DSCAM: variants seen among roughly 807,000 people sequenced by gnomAD.
The protein encoded by DSCAM is DS cell adhesion molecule, also known as cell adhesion molecule DSCAM.
DSCAM carries 47 observed loss-of-function variants against 217.7 expected under a neutral mutation model. That is an observed-to-expected ratio of 0.22 (90% confidence interval 0.17 to 0.28). The LOEUF (loss-of-function observed/expected upper bound fraction) is 0.28, where lower values mean the gene tolerates loss of function less well. Among genes scored for constraint, DSCAM ranks in the 10% least tolerant of loss-of-function variants. The pLI is 1.00. For missense variants in DSCAM, 2,080 were observed against 2,618.3 expected (o/e 0.79, Z 4.49); for synonymous variants, 1,056 against 1,015.3 (o/e 1.04, Z -0.76).
intron 1 of DSCAM, among the ~76,000 whole-genome samples, chr21:40,773,293 C>A (rs1450883808): frequency 6.6e-6 from 1 of 152,230 alleles, no homozygotes; most frequent in Non-Finnish European, 1.5e-5. Context: ...GAGATGTAGG[C>A]AGTGTTAATT....
At chr21:40,453,851 G>A (rs555363421) in intron 3 of DSCAM, among the ~76,000 whole-genome samples, 1 of 152,204 alleles carries the variant, frequency 6.6e-6, no homozygotes. Flanking sequence ...AGACTAAAAG[G>A]AAGTAAGAGC....
chr21:40,601,619 T>C (rs1286677287), intron 3 of DSCAM, among the ~76,000 whole-genome samples: 1 of 152,224 alleles, frequency 6.6e-6, no homozygotes, highest in Admixed American at 6.5e-5. Flanking sequence ...TATTTTCTCA[T>C]TATTAAGTAT....
At chr21:40,046,432 T>C (rs2088841737) in intron 30 of DSCAM, among the ~76,000 whole-genome samples, 1 of 150,562 alleles carries the variant, frequency 6.6e-6, no homozygotes, top group Non-Finnish European at 1.5e-5. Context: ...ATTTTTTTTG[T>C]CCTTGATGAG....
intron 10 of DSCAM, 101 bp from the exon 11 acceptor site, chr21:40,276,371 C>T: frequency 1.8e-6 from 2 of 1,081,098 alleles, no homozygotes; most frequent in Admixed American, 3.3e-5. Context: ...ATGCTTCACA[C>T]TGATCCCATA....
chr21:40,758,273 G>A (rs1264012609), intron 1 of DSCAM, among the ~76,000 whole-genome samples: 1 of 152,166 alleles, frequency 6.6e-6, no homozygotes, highest in Admixed American at 6.5e-5. Context: ...CACCCAATGT[G>A]TGGCACTTTG....
chr21:40,323,511 G>C (rs1300582819), intron 8 of DSCAM, among the ~76,000 whole-genome samples: 1 of 152,094 alleles, frequency 6.6e-6, no homozygotes, highest in East Asian at 1.9e-4. Flanking sequence ...ACAAGGAAAA[G>C]ATAGAAGAAG....
intron 30 of DSCAM, among the ~76,000 whole-genome samples, chr21:40,047,652 A>G (rs2146488719): frequency 6.6e-6 from 1 of 152,328 alleles, no homozygotes; most frequent in African/African-American, 2.4e-5. Flanking sequence ...CATCTGTGCC[A>G]TTGGTTTCCA....
intron 3 of DSCAM, among the ~76,000 whole-genome samples, chr21:40,396,325 C>A (rs1205875830): frequency 6.6e-6 from 1 of 152,146 alleles, no homozygotes; most frequent in African/African-American, 2.4e-5. Flanking sequence ...CACCATCACG[C>A]CAACTTCTGA....
chr21:40,217,954 G>T (rs2091258169), intron 11 of DSCAM, among the ~76,000 whole-genome samples: 1 of 152,074 alleles, frequency 6.6e-6, no homozygotes, highest in Non-Finnish European at 1.5e-5. Context: ...TCTGTAGGTT[G>T]TTTACTCTGT....
intron 3 of DSCAM, among the ~76,000 whole-genome samples, chr21:40,554,191 TGTTA>T (rs1344128287): frequency 1.3e-5 from 2 of 150,900 alleles, no homozygotes; most frequent in Non-Finnish European, 2.9e-5. Flanking sequence ...TTGTTTTGAT[TGTTA>T]GTTTTTTTTT....
At chr21:40,340,848 T>A (rs2074483487) in intron 6 of DSCAM, among the ~76,000 whole-genome samples, 1 of 152,120 alleles carries the variant, frequency 6.6e-6, no homozygotes, top group Non-Finnish European at 1.5e-5. Context: ...CAGTTAATGG[T>A]TAATAGTACC....
intron 11 of DSCAM, among the ~76,000 whole-genome samples, chr21:40,193,084 G>C (rs541008975): frequency 2.0e-5 from 3 of 152,286 alleles, no homozygotes; most frequent in South Asian, 4.2e-4. Flanking sequence ...GAGGTGTTAA[G>C]ATTCAGCATT....
At chr21:40,279,795 A>G (rs1348029405) in intron 10 of DSCAM, among the ~76,000 whole-genome samples, 1 of 152,210 alleles carries the variant, frequency 6.6e-6, no homozygotes, top group Non-Finnish European at 1.5e-5. Context: ...CTATGCAGCC[A>G]TAAAATAGAT....
chr21:40,167,425 GA>G (rs1279244447), intron 15 of DSCAM, 137 bp from the exon 16 acceptor site: 9 of 684,874 alleles, frequency 1.3e-5, no homozygotes, highest in African/African-American at 3.6e-5. Context: ...GCGGTCATGG[GA>G]AATGTCAATT....
chr21:40,264,159 T>G (rs1468207480), intron 11 of DSCAM, among the ~76,000 whole-genome samples: 1 of 152,292 alleles, frequency 6.6e-6, no homozygotes, highest in East Asian at 1.9e-4. Context: ...TCTGAAATTA[T>G]TCCAAAAGAC....
intron 3 of DSCAM, among the ~76,000 whole-genome samples, chr21:40,398,472 G>T (rs917626161): frequency 5.9e-5 from 9 of 152,108 alleles, no homozygotes; most frequent in African/African-American, 2.2e-4. Context: ...TAACTTGCTT[G>T]CTGTCACACA....
At chr21:40,234,757 T>C (rs549093424) in intron 11 of DSCAM, among the ~76,000 whole-genome samples, 38 of 152,304 alleles carry the variant, frequency 2.5e-4, no homozygotes, top group African/African-American at 8.2e-4. Context: ...GTTTCTTTTT[T>C]TCTTTTTTTG....
chr21:40,104,050 T>C (rs2089787015), intron 20 of DSCAM, among the ~76,000 whole-genome samples: 1 of 152,134 alleles, frequency 6.6e-6, no homozygotes, highest in Admixed American at 6.5e-5. Flanking sequence ...AGAAGCACCA[T>C]CCAATTAGCC....
chr21:40,015,128 T>C (rs539802734), intron 32 of DSCAM, among the ~76,000 whole-genome samples: 155 of 152,316 alleles, frequency 1.0e-3, no homozygotes, highest in Non-Finnish European at 1.7e-3. Context: ...ATAAATAACA[T>C]TCCCATCTAT....
Sources: gnomAD v4.1 joint callset for allele counts (sites outside exome capture counted in the v4.1 genomes callset) on GRCh38, gnomAD v4.1.1 for gene constraint, MANE v1.5 for transcripts, NCBI Gene and HGNC (gene_info 2026-07-23, HGNC 2026-07-21) for gene names.